SPATA6: variants seen among roughly 807,000 people sequenced by gnomAD.
The protein encoded by SPATA6 is spermatogenesis-associated protein 6.
In SPATA6, 56 loss-of-function variants were observed where a neutral mutation model predicts 65.3. The observed-to-expected ratio is 0.86, with a 90% CI of 0.69 to 1.07. The LOEUF (loss-of-function observed/expected upper bound fraction) is 1.07. SPATA6 is among the 50% of genes least tolerant of loss of function. SPATA6 has a pLI of 0.00. For missense variants in SPATA6, 590 were observed against 594.8 expected (o/e 0.99, Z 0.08); for synonymous variants, 199 against 213.2 (o/e 0.93, Z 0.58).
intron 11 of SPATA6, among the ~76,000 whole-genome samples, chr1:48,310,257 C>G (rs563027505): frequency 5.9e-5 from 9 of 152,322 alleles, no homozygotes; most frequent in African/African-American, 2.2e-4. Context: ...GTGGGGTCTT[C>G]CAGGCAATCT....
At chr1:48,305,098 G>C (rs552174835) in intron 12 of SPATA6, among the ~76,000 whole-genome samples, 1 of 152,258 alleles carries the variant, frequency 6.6e-6, no homozygotes, top group East Asian at 1.9e-4. Context: ...GTCCTCACAT[G>C]TTCATAGATG....
intron 3 of SPATA6, among the ~76,000 whole-genome samples, chr1:48,446,470 T>C (rs191410839): frequency 2.1e-3 from 323 of 152,290 alleles, no homozygotes; most frequent in African/African-American, 7.0e-3. Flanking sequence ...TTCAGAAGCC[T>C]GGTGCTGGAA....
intron 3 of SPATA6, among the ~76,000 whole-genome samples, chr1:48,420,666 C>T (rs975312354): frequency 3.3e-5 from 5 of 152,154 alleles, no homozygotes; most frequent in Non-Finnish European, 7.4e-5. Context: ...TAGAGAAAAA[C>T]ATGGCTTGAA....
the SPATA6 span, chr1:48,262,474 C>T: frequency 6.6e-6 from 1 of 152,090 alleles, no homozygotes; most frequent in Non-Finnish European, 1.5e-5. Context: ...ATATAACCTA[C>T]CTTTGGTGCA....
At chr1:48,301,283 A>G (rs1418792551) in intron 12 of SPATA6, among the ~76,000 whole-genome samples, 1 of 151,004 alleles carries the variant, frequency 6.6e-6, no homozygotes, top group Admixed American at 6.6e-5. Flanking sequence ...CCCATTTCCA[A>G]TACTAAAAGA....
chr1:48,293,814 AC>A (rs1373974963), downstream of SPATA6, among the ~76,000 whole-genome samples: 1 of 151,942 alleles, frequency 6.6e-6, no homozygotes, highest in Non-Finnish European at 1.5e-5. Flanking sequence ...TCTCTCCCCA[AC>A]CCCCATATAC....
intron 11 of SPATA6, among the ~76,000 whole-genome samples, chr1:48,322,439 C>T (rs559928266): frequency 4.8e-4 from 73 of 152,120 alleles, no homozygotes; most frequent in African/African-American, 1.5e-3. Flanking sequence ...TACAGACTTA[C>T]ATGTAAAACC....
intron 11 of SPATA6, chr1:48,344,288 A>G (rs1261210055): frequency 1.3e-5 from 2 of 152,144 alleles, no homozygotes; most frequent in African/African-American, 4.8e-5. Flanking sequence ...AGGATGACAC[A>G]CAAATTTACG....
chr1:48,364,081 T>C (rs1646912787), intron 9 of SPATA6, among the ~76,000 whole-genome samples: 2 of 152,184 alleles, frequency 1.3e-5, no homozygotes, highest in African/African-American at 4.8e-5. Context: ...GATAGTTTAC[T>C]GAGAATGATG....
chr1:48,295,025 AT>A (rs1644792202), downstream of SPATA6, among the ~76,000 whole-genome samples: 1 of 152,194 alleles, frequency 6.6e-6, no homozygotes, highest in African/African-American at 2.4e-5. Context: ...TTAAAGATAC[AT>A]TTTTATATAC....
At chr1:48,316,482 T>A (rs565731915) in intron 11 of SPATA6, among the ~76,000 whole-genome samples, 1 of 152,064 alleles carries the variant, frequency 6.6e-6, no homozygotes, top group African/African-American at 2.4e-5. Context: ...CTAGCCATAT[T>A]TAGAAAGCTG....
the SPATA6 span, chr1:48,262,550 A>C: frequency 6.6e-6 from 1 of 152,158 alleles, no homozygotes; most frequent in Non-Finnish European, 1.5e-5. Flanking sequence ...CTAAATGTCC[A>C]ATAGAGGAAT....
At chr1:48,358,633 GA>G (rs1381669271) in intron 10 of SPATA6, among the ~76,000 whole-genome samples, 4 of 152,182 alleles carry the variant, frequency 2.6e-5, no homozygotes, top group African/African-American at 9.6e-5. Context: ...AACTTCAGCA[GA>G]AAAACCGCTC....
intron 9 of SPATA6, among the ~76,000 whole-genome samples, chr1:48,381,845 G>C (rs1444696641): frequency 6.9e-6 from 1 of 145,238 alleles, no homozygotes; most frequent in Non-Finnish European, 1.5e-5. Flanking sequence ...AGGACCCTGC[G>C]GCCTTGGCCT....
At chr1:48,300,255 A>G (rs1644905506) in intron 12 of SPATA6, among the ~76,000 whole-genome samples, 1 of 152,208 alleles carries the variant, frequency 6.6e-6, no homozygotes, top group South Asian at 2.1e-4. Context: ...TCTTATATAA[A>G]TAATTGACCT....
chr1:48,342,560 G>A (rs989195138), intron 11 of SPATA6, among the ~76,000 whole-genome samples: 1 of 149,922 alleles, frequency 6.7e-6, no homozygotes, highest in African/African-American at 2.5e-5. Context: ...AGCTTGCAGT[G>A]AGCCAAGACT....
chr1:48,291,641 A>T (rs142725570), downstream of SPATA6, among the ~76,000 whole-genome samples: 8 of 152,274 alleles, frequency 5.3e-5, no homozygotes, highest in East Asian at 1.5e-3. Flanking sequence ...GCCAGTGAGC[A>T]GGGCTGAGAA....
rs1406251236 is a variant in SPATA6 at position 48,327,196 on chromosome 1, G to C, written c.1195-21318C>G. Among the ~76,000 whole-genome samples, 4 of 152,110 alleles carry C rather than the reference G, an allele frequency of 2.6e-5. No homozygotes were observed. In the South Asian group the frequency reaches 6.2e-4, roughly 24 times the overall value. ...AAAAACCAGGCAAAGGACCTGAACA[G>C]TCATTCCTCAAAAGAAGAAATAAAA... On this transcript the variant is annotated intron_variant, in intron 11 of 12. Transcript: ENST00000371847.
intron 11 of SPATA6, among the ~76,000 whole-genome samples, chr1:48,306,661 T>C (rs1460577885): frequency 6.6e-6 from 1 of 151,850 alleles, no homozygotes; most frequent in African/African-American, 2.4e-5. Context: ...TAAGCACAAA[T>C]AAGGATTAGT....
Sources: allele counts gnomAD v4.1 joint callset (sites outside exome capture counted in the v4.1 genomes callset), GRCh38; gene constraint gnomAD v4.1.1; transcripts MANE v1.5; gene names NCBI Gene and HGNC (gene_info 2026-07-23, HGNC 2026-07-21).